LIMCH1: variants seen among roughly 807,000 people sequenced by gnomAD.
LIMCH1 encodes LIM and calponin homology domains 1, also known as LIM and calponin homology domains-containing protein 1.
In LIMCH1, 113 loss-of-function variants were observed where a neutral mutation model predicts 176.5. The observed-to-expected ratio is 0.64, with a 90% confidence interval of 0.55 to 0.75. LIMCH1 has a LOEUF of 0.75. LIMCH1 is among the 30% of genes least tolerant of loss of function. The pLI is 0.00. For synonymous variants in LIMCH1, 619 were observed against 645.9 expected, an observed-to-expected ratio of 0.96 and a Z score of 0.63; for missense variants, 1,674 against 1,814.9, an observed-to-expected ratio of 0.92 and a Z score of 1.41.
intron 1 of LIMCH1, among the ~76,000 whole-genome samples, chr4:41,483,104 G>A (rs926171420): frequency 1.3e-5 from 2 of 152,096 alleles, no homozygotes; most frequent in African/African-American, 4.8e-5. Context: ...GCTATCACTA[G>A]AGAAATGATG....
chr4:41,430,640 A>G (rs1013622458), intron 1 of LIMCH1, among the ~76,000 whole-genome samples: 1 of 152,226 alleles, frequency 6.6e-6, no homozygotes, highest in Non-Finnish European at 1.5e-5. Context: ...GTATGTTCCA[A>G]AAGTTACAAA....
chr4:41,633,432 G>A (rs370947327), intron 12 of LIMCH1, 116 bp from the exon 13 acceptor site: 66 of 1,255,678 alleles, frequency 5.3e-5, no homozygotes, highest in East Asian at 1.8e-4. Context: ...TCTGTGTGCC[G>A]CTGCCTCCAG....
chr4:41,656,137 C>G (rs2094458227), intron 18 of LIMCH1, among the ~76,000 whole-genome samples: 1 of 152,192 alleles, frequency 6.6e-6, no homozygotes, highest in South Asian at 2.1e-4. Context: ...CTGTTTTTCC[C>G]ATTTTGAAAA....
chr4:41,540,295 AGAG>A (rs961929735), intron 1 of LIMCH1, among the ~76,000 whole-genome samples: 7 of 152,144 alleles, frequency 4.6e-5, no homozygotes, highest in African/African-American at 1.7e-4. Flanking sequence ...AGAAGGAGAA[AGAG>A]GAGGAGGAGG....
chr4:41,386,811 A>G (rs2154107314), intron 1 of LIMCH1, among the ~76,000 whole-genome samples: 1 of 152,354 alleles, frequency 6.6e-6, no homozygotes, highest in Middle Eastern at 3.4e-3. Flanking sequence ...GTAACTTATC[A>G]GTTCAATAGT....
chr4:41,584,642 C>T (rs1372299676), intron 1 of LIMCH1, among the ~76,000 whole-genome samples: 1 of 152,136 alleles, frequency 6.6e-6, no homozygotes, highest in African/African-American at 2.4e-5. Flanking sequence ...TGGGACATAT[C>T]TCTAGGACTC....
At chr4:41,503,989 G>A (rs369442234) in intron 2 of LIMCH1, among the ~76,000 whole-genome samples, 13 of 152,298 alleles carry the variant, frequency 8.5e-5, no homozygotes, top group African/African-American at 2.9e-4. Context: ...CCCAATGACA[G>A]CTCTTTGAGC....
chr4:41,423,234 T>G (rs1017620158), intron 1 of LIMCH1, among the ~76,000 whole-genome samples: 1 of 152,208 alleles, frequency 6.6e-6, no homozygotes, highest in Admixed American at 6.5e-5. Context: ...ATGTTCTGGC[T>G]TGAAGCTATA....
At chr4:41,512,902 G>A (rs1404838502) in intron 2 of LIMCH1, among the ~76,000 whole-genome samples, 3 of 152,170 alleles carry the variant, frequency 2.0e-5, no homozygotes, top group Non-Finnish European at 4.4e-5. Flanking sequence ...TATGTGAATT[G>A]TATCTCAAGT....
At chr4:41,541,104 C>G (rs146773214) in intron 1 of LIMCH1, among the ~76,000 whole-genome samples, 5 of 151,994 alleles carry the variant, frequency 3.3e-5, no homozygotes, top group Admixed American at 1.3e-4. Context: ...GAAATGTAGA[C>G]GTGGGCATTG....
chr4:41,586,186 G>T (rs1444265534), intron 1 of LIMCH1, among the ~76,000 whole-genome samples: 1 of 149,506 alleles, frequency 6.7e-6, no homozygotes, highest in South Asian at 2.1e-4. Flanking sequence ...TCAGCTCACT[G>T]CATCCTCAAC....
intron 1 of LIMCH1, among the ~76,000 whole-genome samples, chr4:41,579,278 A>T (rs2152669855): frequency 6.6e-6 from 1 of 152,296 alleles, no homozygotes; most frequent in East Asian, 1.9e-4. Flanking sequence ...GTTCCGTAAG[A>T]GTCTGGCCTA....
chr4:41,620,553 G>C lies in LIMCH1; in HGVS notation c.588G>C (p.Lys196Asn). 6.5e-7 allele frequency: 1 copy of C among 1,536,376 alleles called. No individual in the cohort carries two copies. Among genetic ancestry groups the C allele is most frequent in the Non-Finnish European group, 8.7e-7 (1 of 1,146,978 alleles). The change falls in exon 7 of 32, where the codon AAG (lysine) becomes AAC (asparagine). Residue 196 changes from lysine to asparagine, a missense_variant. This residue lies in a region of LIMCH1 where 655 missense variants were observed against 692.2 expected (regional missense o/e 0.95). Transcript: ENST00000503057. ...GGCELPDGSG[K>N]EHPSSDGAVV... ...GTGAATTACCTGACGGCAGTGGTAAGGAGCACCCTTCTTCAGACGGGGCTG... is the reference window on the plus strand; with the variant it reads ...GTGAATTACCTGACGGCAGTGGTAACGAGCACCCTTCTTCAGACGGGGCTG...
At chr4:41,381,028 AATTTATTC>A (rs2055582265) in intron 1 of LIMCH1, among the ~76,000 whole-genome samples, 1 of 152,216 alleles carries the variant, frequency 6.6e-6, no homozygotes, top group Non-Finnish European at 1.5e-5. Flanking sequence ...CAAATGTCCT[AATTTATTC>A]ATTTATTCAA....
intron 2 of LIMCH1, among the ~76,000 whole-genome samples, chr4:41,499,816 CAAAA>C (rs2072919497): frequency 6.6e-6 from 1 of 151,000 alleles, no homozygotes; most frequent in Admixed American, 6.6e-5. Context: ...GACTCCATCT[CAAAA>C]AAGAAAAAAA....
In LIMCH1 at chr4:41,370,982, G is replaced by C. The variant is rs539310765; in HGVS notation, c.96+10046G>C. 1.6e-3 allele frequency among the ~76,000 whole-genome samples: 247 copies of C among 152,316 alleles called. 1 individual carries two copies. The highest frequency in any genetic ancestry group is 5.7e-3 in the African/African-American group (238 of 41,560). On this transcript the variant is annotated intron_variant, in intron 1 of 26. Transcript: ENST00000313860. ...GTGGCAGAGCTGGGATTTGAACCCA[G>C]GCAAACTGGTTCCAGAGCTTGGACT...
chr4:41,535,339 A>G (rs1441128365), upstream of LIMCH1, among the ~76,000 whole-genome samples: 2 of 152,038 alleles, frequency 1.3e-5, no homozygotes, highest in African/African-American at 4.8e-5. Flanking sequence ...ACAAAGTACC[A>G]CAGATTGGAT....
intron 1 of LIMCH1, among the ~76,000 whole-genome samples, chr4:41,414,730 A>G (rs1447615533): frequency 1.3e-5 from 2 of 152,216 alleles, no homozygotes; most frequent in African/African-American, 4.8e-5. Context: ...GATGTCACCC[A>G]TGATGATAAG....
At chr4:41,460,396 G>A (rs1561441318) in intron 1 of LIMCH1, among the ~76,000 whole-genome samples, 2 of 145,354 alleles carry the variant, frequency 1.4e-5, no homozygotes, top group Non-Finnish European at 1.5e-5. Context: ...TATATTACAC[G>A]TTGGCCTTGG....
Sources: gnomAD v4.1 joint callset for allele counts (sites outside exome capture counted in the v4.1 genomes callset) on GRCh38, gnomAD v4.1.1 for gene constraint, gnomAD v4.1.1 regional missense constraint, MANE v1.5 for transcripts, NCBI Gene and HGNC (gene_info 2026-07-23, HGNC 2026-07-21) for gene names.